The following HERC2 variants were observed in gnomAD, a reference collection of about 807,000 sequenced individuals.
HERC2 encodes E3 ubiquitin-protein ligase HERC2.
Under a neutral mutation model 537.7 loss-of-function variants are expected in HERC2, and 102 were observed. That is an observed-to-expected ratio of 0.19 (90% CI 0.16 to 0.22). The LOEUF (loss-of-function observed/expected upper bound fraction) is 0.22, where lower values mean the gene tolerates loss of function less well. HERC2 is among the 10% of genes least tolerant of loss of function. The probability of loss-of-function intolerance (pLI) is 1.00; values close to 1 mark genes in which losing one functional copy is unlikely to be tolerated. For missense variants in HERC2, 4,236 were observed against 6,198.2 expected, an observed-to-expected ratio of 0.68 and a Z score of 10.63; for synonymous variants, 2,224 against 2,466.2, an observed-to-expected ratio of 0.90 and a Z score of 2.91.
At chr15:28,143,024 G>T (rs138555162) in intron 74 of HERC2, 72 bp from the exon 75 acceptor site, 1 of 1,456,842 alleles carries the variant, frequency 6.9e-7, no homozygotes, top group Non-Finnish European at 9.4e-7. Context: ...TGTTTCTACC[G>T]TCAAATGTTT....
chr15:28,292,713 C>T (rs1596407709), intron 4 of HERC2, among the ~76,000 whole-genome samples, 175 bp downstream of exon 4: 1 of 152,166 alleles, frequency 6.6e-6, no homozygotes, highest in South Asian at 2.1e-4. Flanking sequence ...GAACTCTACA[C>T]ATAAAAATGG....
intron 74 of HERC2, among the ~76,000 whole-genome samples, chr15:28,143,218 C>T (rs1891401043): frequency 6.6e-6 from 1 of 152,122 alleles, no homozygotes; most frequent in Non-Finnish European, 1.5e-5. Flanking sequence ...CCCTCTCTGG[C>T]CCACAAACGC....
Position 28,212,704 on chromosome 15 carries a change from T to C in HERC2, c.6787-121A>G, listed in dbSNP as rs529710964. ...GCCACACATACCCGTAAGCCTTTTA[T>C]AGCTGAGAATAATCATTTTTTAAAA... On this transcript the variant is annotated intron_variant, in intron 42 of 92. Coordinates refer to ENST00000261609, the MANE Select transcript of HERC2 (RefSeq NM_004667.6). The C allele has an allele frequency of 3.7e-6, 4 of 1,092,378 alleles. No homozygotes were observed. In the East Asian group the frequency reaches 1.0e-4, roughly 27 times the overall value. The allele number at this position is 1,092,378 out of a possible 1,614,324, so 67.7% of individuals were successfully genotyped here.
At chr15:28,242,661 GTC>G (rs1360159647) in intron 23 of HERC2, among the ~76,000 whole-genome samples, 1 of 152,130 alleles carries the variant, frequency 6.6e-6, no homozygotes, top group Non-Finnish European at 1.5e-5. Context: ...ATGCAAAATT[GTC>G]TTTAAAAAAT....
At chr15:28,230,339 A>G (rs1490342250) in intron 31 of HERC2, 28 bp downstream of exon 31, 3 of 1,581,632 alleles carry the variant, frequency 1.9e-6, no homozygotes, top group Non-Finnish European at 2.6e-6. Context: ...CTATTCAGCC[A>G]ACCTCAGAAT....
intron 71 of HERC2, among the ~76,000 whole-genome samples, chr15:28,145,274 C>T (rs993603945): frequency 1.2e-4 from 18 of 152,210 alleles, no homozygotes; most frequent in Admixed American, 9.2e-4. Flanking sequence ...CAGAGTAGGC[C>T]GCCCTCGAGG....
chr15:28,214,996 T>C (rs1427524237), intron 39 of HERC2, among the ~76,000 whole-genome samples, 194 bp from the exon 40 acceptor site: 1 of 152,170 alleles, frequency 6.6e-6, no homozygotes, highest in African/African-American at 2.4e-5. Flanking sequence ...TGCTTCAGCT[T>C]CCTGAGTAGC....
chr15:28,243,888 T>C (rs958223668), intron 23 of HERC2, among the ~76,000 whole-genome samples: 11 of 151,890 alleles, frequency 7.2e-5, no homozygotes, highest in South Asian at 6.3e-4. Context: ...AAGAAACAGA[T>C]GTAAGAATGT....
At chr15:28,130,122 A>C (rs780942675) in intron 83 of HERC2, 41 bp downstream of exon 83, 1 of 1,609,954 alleles carries the variant, frequency 6.2e-7, no homozygotes, top group Admixed American at 1.7e-5. Flanking sequence ...ACCCTCTTAG[A>C]TTCACAGGCC....
intron 68 of HERC2, among the ~76,000 whole-genome samples, chr15:28,165,689 T>C (rs1894060978): frequency 1.3e-5 from 2 of 151,790 alleles, no homozygotes; most frequent in Admixed American, 1.3e-4. Context: ...TGCTTGTAGT[T>C]CCAGCTACTT....
At chr15:28,269,202 C>G in intron 11 of HERC2, 46 bp downstream of exon 11, 1 of 1,532,214 alleles carries the variant, frequency 6.5e-7, no homozygotes, top group Non-Finnish European at 9.0e-7. Context: ...AGGACAGACC[C>G]TGCCCCGCAA....
At chr15:28,162,484 A>G (rs950024394) in intron 69 of HERC2, among the ~76,000 whole-genome samples, 2 of 152,244 alleles carry the variant, frequency 1.3e-5, no homozygotes, top group South Asian at 2.1e-4. Flanking sequence ...GGCAAAAAAT[A>G]TCAAACTAAT....
chr15:28,277,845 G>C (rs960641451), intron 5 of HERC2, among the ~76,000 whole-genome samples: 4 of 152,036 alleles, frequency 2.6e-5, no homozygotes, highest in Admixed American at 2.6e-4. Context: ...TATCTGTAGG[G>C]GATTGGTACC....
At chr15:28,267,147 C>G (rs2075590370) in intron 12 of HERC2, among the ~76,000 whole-genome samples, 2 of 152,156 alleles carry the variant, frequency 1.3e-5, no homozygotes, top group Non-Finnish European at 2.9e-5. Flanking sequence ...GAAGCCAGGC[C>G]TCTCCTTTAC....
At chr15:28,227,484 A>T (rs1166388815) in intron 35 of HERC2, among the ~76,000 whole-genome samples, 1 of 149,966 alleles carries the variant, frequency 6.7e-6, no homozygotes, top group Non-Finnish European at 1.5e-5. Flanking sequence ...AAAAAAAAAC[A>T]CAAAAAATAG....
chr15:28,218,894 A>G (rs1900218875), intron 37 of HERC2, among the ~76,000 whole-genome samples: 1 of 152,016 alleles, frequency 6.6e-6, no homozygotes, highest in South Asian at 2.1e-4. Flanking sequence ...CAACGGCATG[A>G]TCATAGCTCA....
chr15:28,166,949 G>C (rs767821548), intron 68 of HERC2, among the ~76,000 whole-genome samples: 2 of 152,224 alleles, frequency 1.3e-5, no homozygotes, highest in African/African-American at 4.8e-5. Context: ...AGGTAGGTAG[G>C]TAGAAGACAG....
chr15:28,214,368 C>T lies in HERC2; in HGVS notation c.6359-96G>A, dbSNP rs1414135766. On this transcript the variant is annotated intron_variant, in intron 40 of 92. Coordinates refer to ENST00000261609, the MANE Select transcript of HERC2 (RefSeq NM_004667.6). Reference sequence around the variant, plus strand: ...CCACCTCTAAGTGACGGCACTGCGCCGCTCTTCACCAGGGCACAGGGAAGG... The same window carrying T: ...CCACCTCTAAGTGACGGCACTGCGCTGCTCTTCACCAGGGCACAGGGAAGG... The T allele has an allele frequency of 2.7e-5, 30 of 1,101,908 alleles. No individual in the cohort carries two copies. The East Asian group carries it at 3.6e-4, about 13-fold the overall frequency. 68.3% of individuals were successfully genotyped at this position (1,101,908 alleles called of 1,614,324 possible).
chr15:28,153,649 T>C (rs1434841564), intron 69 of HERC2, among the ~76,000 whole-genome samples: 1 of 151,846 alleles, frequency 6.6e-6, no homozygotes, highest in Non-Finnish European at 1.5e-5. Context: ...AGACTCTGTC[T>C]CGAAAAAAGA....
Sources: gnomAD v4.1 joint callset for allele counts (sites outside exome capture counted in the v4.1 genomes callset) on GRCh38, gnomAD v4.1.1 for gene constraint, MANE v1.5 for transcripts, NCBI Gene and HGNC (gene_info 2026-07-23, HGNC 2026-07-21) for gene names.